CNTLN: variants seen among roughly 807,000 people sequenced by gnomAD.
CNTLN encodes the protein centlein, centrosomal protein.
CNTLN carries 212 observed loss-of-function variants against 180.0 expected under a neutral mutation model. That is an observed-to-expected ratio of 1.18 (90% CI 1.05 to 1.32). The LOEUF (loss-of-function observed/expected upper bound fraction) is 1.32, where lower values mean the gene tolerates loss of function less well. CNTLN is among the 40% of genes most tolerant of loss of function. The pLI, the probability that CNTLN is intolerant of heterozygous loss-of-function variation, is 0.00. For synonymous variants in CNTLN, 722 were observed against 563.1 expected (o/e 1.28, Z -3.99); for missense variants, 2,095 against 1,610.9 (o/e 1.30, Z -5.14).
chr9:17,346,037 A>G (rs1821859642), intron 12 of CNTLN, among the ~76,000 whole-genome samples: 1 of 152,200 alleles, frequency 6.6e-6, no homozygotes, highest in Admixed American at 6.5e-5. Context: ...GTATAAAGAA[A>G]TACACAAAAC....
chr9:17,165,003 T>A (rs76491833), intron 2 of CNTLN, among the ~76,000 whole-genome samples: 1 of 149,946 alleles, frequency 6.7e-6, no homozygotes, highest in African/African-American at 2.4e-5. Flanking sequence ...GCCCGGCTAA[T>A]TTTTTTTTGT....
chr9:17,512,765 C>T, the CNTLN span, among the ~76,000 whole-genome samples: 2 of 152,150 alleles, frequency 1.3e-5, no homozygotes, highest in African/African-American at 4.8e-5. Context: ...GGAGAGAGGA[C>T]TGGGAGCTCT....
At position 17,416,218 on chromosome 9, in the gene CNTLN, G is replaced by A. The variant is rs768962128; in HGVS notation, c.3114+29G>A. ...AAGAGAACTTTAAGATTGAACAGTA[G>A]TATACTATATTGTAAAAGTGGATAT... On this transcript the variant is annotated intron_variant, in intron 18 of 25. Transcript: ENST00000380647. The A allele has an allele frequency of 1.8e-5, 28 of 1,518,476 alleles. No homozygotes were observed. The South Asian group carries it at 3.1e-4, about 17-fold the overall frequency. 94.1% of individuals were successfully genotyped at this position (1,518,476 alleles called of 1,614,324 possible).
intron 14 of CNTLN, among the ~76,000 whole-genome samples, chr9:17,390,686 C>T (rs1826046777): frequency 6.6e-6 from 1 of 152,102 alleles, no homozygotes; most frequent in South Asian, 2.1e-4. Flanking sequence ...TTAAAATTTA[C>T]TTTGCTGTTT....
chr9:17,154,235 A>G (rs1283717849), intron 2 of CNTLN, among the ~76,000 whole-genome samples: 1 of 152,048 alleles, frequency 6.6e-6, no homozygotes. Flanking sequence ...GAGGAGAGGT[A>G]TTGTGGTTTT....
At chr9:17,202,668 T>G (rs867729270) in intron 2 of CNTLN, among the ~76,000 whole-genome samples, 5,985 of 144,002 alleles carry the variant, frequency 0.042, 523 homozygotes, top group African/African-American at 0.15. Context: ...TTTTTTTTTT[T>G]TTGTTGCTTT....
chr9:17,420,786 T>C (rs1828657189), intron 18 of CNTLN, among the ~76,000 whole-genome samples: 1 of 152,162 alleles, frequency 6.6e-6, no homozygotes, highest in Non-Finnish European at 1.5e-5. Flanking sequence ...TTATTGAATT[T>C]TCCTCTTAAT....
At chr9:17,368,797 G>T (rs1824056038) in intron 13 of CNTLN, among the ~76,000 whole-genome samples, 1 of 152,178 alleles carries the variant, frequency 6.6e-6, no homozygotes. Context: ...TGGACTTGGG[G>T]TGCCCACTAA....
At chr9:17,488,708 TG>T (rs1249507357) in intron 25 of CNTLN, among the ~76,000 whole-genome samples, 3 of 152,096 alleles carry the variant, frequency 2.0e-5, no homozygotes, top group African/African-American at 7.2e-5. Context: ...CTGTTGAAAA[TG>T]GCATCAGACT....
chr9:17,199,203 CTTTT>C (rs763632027), intron 2 of CNTLN, among the ~76,000 whole-genome samples: 6 of 73,806 alleles, frequency 8.1e-5, no homozygotes, highest in South Asian at 5.6e-4. Flanking sequence ...TGTTTCTTGA[CTTTT>C]TTTTTTTTTT....
intron 6 of CNTLN, among the ~76,000 whole-genome samples, chr9:17,295,633 T>G (rs937096427): frequency 3.3e-5 from 5 of 152,164 alleles, no homozygotes. Context: ...GTCGGCCATC[T>G]TGGCCCGCCC....
chr9:17,236,664 C>G (rs1020578091), intron 5 of CNTLN, 76 bp downstream of exon 5: 11 of 1,160,630 alleles, frequency 9.5e-6, no homozygotes, highest in Non-Finnish European at 8.5e-6. Flanking sequence ...ATGTTATTTT[C>G]TTTAACAACT....
chr9:17,198,414 TCAGTTTCTTTAATCAGTGTTCTATAG>T (rs1822277978), intron 2 of CNTLN, among the ~76,000 whole-genome samples: 1 of 149,410 alleles, frequency 6.7e-6, no homozygotes, highest in African/African-American at 2.5e-5. Context: ...GTATTTTTCT[TCAGTTTCTTTAATCAGTGTTCTATAG>T]TTTTCATTGT....
chr9:17,417,243 C>A (rs1352274775), intron 18 of CNTLN, among the ~76,000 whole-genome samples: 1 of 152,086 alleles, frequency 6.6e-6, no homozygotes, highest in Non-Finnish European at 1.5e-5. Flanking sequence ...AAAATGATTT[C>A]ATCCCATATA....
chr9:17,450,730 A>G (rs907596604), intron 18 of CNTLN, among the ~76,000 whole-genome samples: 1 of 152,134 alleles, frequency 6.6e-6, no homozygotes, highest in Non-Finnish European at 1.5e-5. Flanking sequence ...TCATAACTGC[A>G]GTTGTCAGAA....
At chr9:17,468,135 C>A (rs933258218) in intron 23 of CNTLN, among the ~76,000 whole-genome samples, 1 of 151,502 alleles carries the variant, frequency 6.6e-6, no homozygotes. Context: ...TGAACTAACA[C>A]ACAAAGGAAA....
intron 23 of CNTLN, among the ~76,000 whole-genome samples, chr9:17,481,766 TTCTAG>T (rs1313780084): frequency 6.6e-6 from 1 of 152,108 alleles, no homozygotes; most frequent in East Asian, 1.9e-4. Flanking sequence ...CAGGAAGCAA[TTCTAG>T]AGCCTAGCCA....
chr9:17,257,849 T>C (rs1039897553), intron 5 of CNTLN, among the ~76,000 whole-genome samples: 2 of 146,122 alleles, frequency 1.4e-5, no homozygotes, highest in African/African-American at 5.2e-5. Flanking sequence ...GTAAATTTGT[T>C]TGAGTTCATT....
intron 12 of CNTLN, among the ~76,000 whole-genome samples, chr9:17,356,329 C>G (rs1273458515): frequency 6.6e-6 from 1 of 152,136 alleles, no homozygotes; most frequent in Admixed American, 6.5e-5. Flanking sequence ...AGGAAGTAAA[C>G]TCATCTGTTA....
Sources: allele counts gnomAD v4.1 joint callset (sites outside exome capture counted in the v4.1 genomes callset), GRCh38; gene constraint gnomAD v4.1.1; transcripts MANE v1.5; gene names NCBI Gene and HGNC (gene_info 2026-07-23, HGNC 2026-07-21).